WFDC1: variants seen among roughly 807,000 people sequenced by gnomAD.
WFDC1 encodes the protein WAP four-disulfide core domain protein 1.
WFDC1 carries 39 observed loss-of-function variants against 32.9 expected under a neutral mutation model. That is an observed-to-expected ratio of 1.19 (90% CI 0.92 to 1.55). WFDC1 has a LOEUF of 1.55. Ranked by LOEUF, WFDC1 falls within the 40% of genes most tolerant of loss-of-function variation. The pLI is 0.00. For synonymous variants in WFDC1, 184 were observed against 137.4 expected, an observed-to-expected ratio of 1.34 and a Z score of -2.37; for missense variants, 386 against 309.5, an observed-to-expected ratio of 1.25 and a Z score of -1.85.
rs556741086 is a variant in WFDC1, at chr16:84,302,173, G to A, written c.144+7058G>A. Among the ~76,000 whole-genome samples the A allele has an allele frequency of 7.9e-5, 12 of 152,262 alleles. 1 individual carries two copies. Among genetic ancestry groups the A allele is most frequent in the African/African-American group, 2.6e-4 (11 of 41,534 alleles). On this transcript the variant is annotated intron_variant, in intron 1 of 6. Transcript: ENST00000219454. ...CCAGAAGAGGCAAATCCAGCGGGAC[G>A]GGAAGGAGATTCTTGGTTGCCAGGG... is the stretch of plus-strand genomic sequence containing the variant.
At chr16:84,320,074 A>T (rs1908220073) in intron 4 of WFDC1, among the ~76,000 whole-genome samples, 1 of 152,238 alleles carries the variant, frequency 6.6e-6, no homozygotes, top group African/African-American at 2.4e-5. Flanking sequence ...AGCAACATGC[A>T]TTCTGTAGAA....
rs1440447533 is a variant in WFDC1, at chr16:84,301,247, T to C, written c.144+6132T>C. Among the ~76,000 whole-genome samples, 5 of 152,208 alleles carry C rather than the reference T, an allele frequency of 3.3e-5. No individual in the cohort carries two copies. The East Asian group carries it at 9.6e-4, about 29-fold the overall frequency. ...ACTGTGAAAGAATCCACTTGTGTTG[T>C]TTTAAGCCCCCAGCGTGTGGCATTT... is the stretch of plus-strand genomic sequence containing the variant. On this transcript the variant is annotated intron_variant, in intron 1 of 6. Coordinates refer to ENST00000219454, the MANE Select transcript of WFDC1 (RefSeq NM_021197.4).
At position 84,313,067 on chromosome 16, in the gene WFDC1, AGGCG is replaced by A; in HGVS notation, c.253_256del (p.Ala85ThrfsTer20). 1 of 1,412,838 alleles carries A rather than the reference AGGCG, an allele frequency of 7.1e-7. No homozygotes were observed. The highest frequency in any genetic ancestry group is 9.2e-7 in the Non-Finnish European group (1 of 1,087,366). 87.5% of individuals were successfully genotyped at this position (1,412,838 alleles called of 1,614,324 possible). On this transcript the variant is annotated frameshift_variant, in exon 2 of 7. Coordinates refer to ENST00000219454, the MANE Select transcript of WFDC1 (RefSeq NM_021197.4). LOFTEE classifies it high-confidence loss of function. ...GGCGCCTGCCAGGCCGCGCGCTGTC[AGGCG>A]GACTCCGAGTGCCCGCGGCACCGGC... is the stretch of plus-strand genomic sequence containing the variant.
At chr16:84,313,536 A>T (rs7186572) in intron 2 of WFDC1, among the ~76,000 whole-genome samples, 1 of 152,038 alleles carries the variant, frequency 6.6e-6, no homozygotes, top group Non-Finnish European at 1.5e-5. Context: ...TAAAAGATCA[A>T]GATTCGAGGC....
At chr16:84,297,571 T>A (rs981371764) in intron 1 of WFDC1, among the ~76,000 whole-genome samples, 3 of 143,402 alleles carry the variant, frequency 2.1e-5, no homozygotes, top group African/African-American at 7.8e-5. Flanking sequence ...GAGCCGAGAT[T>A]GTGCCATTGC....
At chr16:84,297,637 A>AAAAC (rs1906681709) in intron 1 of WFDC1, among the ~76,000 whole-genome samples, 1 of 149,010 alleles carries the variant, frequency 6.7e-6, no homozygotes, top group Non-Finnish European at 1.5e-5. Context: ...AAAAAAAAAA[A>AAAAC]AAAAAAAAAA....
intron 1 of WFDC1, chr16:84,296,920 G>C (rs1906631118): frequency 6.6e-6 from 1 of 152,206 alleles, no homozygotes; most frequent in African/African-American, 2.4e-5. Context: ...AGGCATTGAG[G>C]AGGGGTGAGA....
intron 5 of WFDC1, chr16:84,325,521 A>G (rs1393756252): frequency 2.0e-5 from 3 of 151,498 alleles, no homozygotes; most frequent in Admixed American, 2.0e-4. Context: ...CCATCTGTCT[A>G]TCCATTTATC....
chr16:84,319,359 C>T, intron 3 of WFDC1, 72 bp from the exon 4 acceptor site: 1 of 1,570,058 alleles, frequency 6.4e-7, no homozygotes. Context: ...GGGAGTCTGC[C>T]TTCTAGACCC....
intron 1 of WFDC1, among the ~76,000 whole-genome samples, chr16:84,297,415 C>G (rs1906660948): frequency 6.6e-6 from 1 of 151,984 alleles, no homozygotes; most frequent in African/African-American, 2.4e-5. Context: ...GTCAGGAGTT[C>G]AAGACCAGCC....
chr16:84,304,020 T>C (rs1278760907), intron 1 of WFDC1, among the ~76,000 whole-genome samples: 1 of 152,248 alleles, frequency 6.6e-6, no homozygotes, highest in Non-Finnish European at 1.5e-5. Flanking sequence ...GATCGACATC[T>C]TCCTTTCTAA....
chr16:84,308,555 G>A (rs575713833), intron 1 of WFDC1, among the ~76,000 whole-genome samples: 1 of 152,372 alleles, frequency 6.6e-6, no homozygotes, highest in African/African-American at 2.4e-5. Flanking sequence ...TGAAGCTGAT[G>A]GGAGGCCTTC....
chr16:84,317,982 G>C (rs559596666), intron 2 of WFDC1: 1 of 335,980 alleles, frequency 3.0e-6, no homozygotes. Flanking sequence ...GAGGAGCAGA[G>C]AGCCCCGATT....
At chr16:84,325,148 A>G (rs1303539069) in intron 5 of WFDC1, among the ~76,000 whole-genome samples, 2 of 150,904 alleles carry the variant, frequency 1.3e-5, no homozygotes, top group Non-Finnish European at 2.9e-5. Flanking sequence ...CCATTCATCT[A>G]TCCATCCATC....
At chr16:84,328,103 G>A (rs552498765) in intron 6 of WFDC1, 1 of 153,084 alleles carries the variant, frequency 6.5e-6, no homozygotes, top group East Asian at 1.9e-4. Context: ...AGGTGAGAAG[G>A]TGCTGCTTGG....
At position 84,313,085 on chromosome 16, in the gene WFDC1, C is replaced by CGTATCATTAAAAAA; in HGVS notation, c.270_271insTATCATTAAAAAAG (p.Arg91TyrfsTer3). On this transcript the variant is annotated stop_gained and frameshift_variant, in exon 2 of 7. Transcript: ENST00000219454. LOFTEE classifies it high-confidence loss of function. ...CGCTGTCAGGCGGACTCCGAGTGCCCGCGGCACCGGCGCTGCTGCTACAAC... is the reference window on the plus strand; with the variant it reads ...CGCTGTCAGGCGGACTCCGAGTGCCCGTATCATTAAAAAAGCGGCACCGGCGCTGCTGCTACAAC... The CGTATCATTAAAAAA allele has an allele frequency of 7.0e-7, 1 of 1,426,432 alleles. No homozygotes were observed. Among genetic ancestry groups the CGTATCATTAAAAAA allele is most frequent in the Non-Finnish European group, 9.1e-7 (1 of 1,095,598 alleles). The allele number at this position is 1,426,432 out of a possible 1,614,324, so 88.4% of individuals were successfully genotyped here. A position where few individuals can be genotyped will look rare whatever the true frequency, so the allele number is the denominator to read the frequency against.
chr16:84,312,309 C>T (rs951268687), intron 1 of WFDC1, among the ~76,000 whole-genome samples: 4 of 152,148 alleles, frequency 2.6e-5, no homozygotes, highest in Non-Finnish European at 5.9e-5. Flanking sequence ...CCCAAGACCA[C>T]GTGTTCCCAG....
rs570567917 is a variant in WFDC1 at position 84,320,862 on chromosome 16, A to C, written c.562+1291A>C. 4.3e-3 allele frequency among the ~76,000 whole-genome samples: 407 copies of C among 95,752 alleles called. 3 individuals carry two copies. Among genetic ancestry groups the C allele is most frequent in the Non-Finnish European group, 4.7e-3 (200 of 42,822 alleles). 62.8% of individuals were successfully genotyped at this position (95,752 alleles called of 152,430 possible). A position where few individuals can be genotyped will look rare whatever the true frequency, so the allele number is the denominator to read the frequency against. On this transcript the variant is annotated intron_variant, in intron 4 of 6. Transcript: ENST00000219454. ...TACTGGGGAGTGCATGATCTGCCAAAACCTCTTTTTTTTTCTGATTTGAGA... is the reference window on the plus strand; with the variant it reads ...TACTGGGGAGTGCATGATCTGCCAACACCTCTTTTTTTTTCTGATTTGAGA...
chr16:84,297,314 G>T lies in WFDC1; in HGVS notation c.144+2199G>T, dbSNP rs1382789048. Among the ~76,000 whole-genome samples the T allele has an allele frequency of 3.3e-5, 5 of 152,254 alleles. No homozygotes were observed. In the South Asian group the frequency reaches 6.2e-4, roughly 19 times the overall value. On this transcript the variant is annotated intron_variant, in intron 1 of 6. Coordinates refer to ENST00000219454, the MANE Select transcript of WFDC1 (RefSeq NM_021197.4). Reference sequence around the variant, plus strand: ...TCCTCAGCGCCTAGACATAGGTGAGGTTTATGCAGAACAACTGTGCCAGCC... The same window carrying T: ...TCCTCAGCGCCTAGACATAGGTGAGTTTTATGCAGAACAACTGTGCCAGCC...
Sources: gnomAD v4.1 joint callset for allele counts (sites outside exome capture counted in the v4.1 genomes callset) on GRCh38, gnomAD v4.1.1 for gene constraint, MANE v1.5 for transcripts, NCBI Gene and HGNC (gene_info 2026-07-23, HGNC 2026-07-21) for gene names.